The following SLC20A2 variants were observed in gnomAD, a reference collection of about 807,000 sequenced individuals.
The protein encoded by SLC20A2 is solute carrier family 20 member 2.
In SLC20A2, 30 loss-of-function variants were observed where a neutral mutation model predicts 61.0. That is an observed-to-expected ratio of 0.49 (90% CI 0.37 to 0.67). The LOEUF is 0.67. Ranked by LOEUF, SLC20A2 falls within the 30% of genes least tolerant of loss-of-function variation. The probability of loss-of-function intolerance (pLI) is 0.00; values close to 1 mark genes in which losing one functional copy is unlikely to be tolerated. For synonymous variants in SLC20A2, 351 were observed against 353.3 expected (o/e 0.99, Z 0.07); for missense variants, 626 against 866.4 (o/e 0.72, Z 3.48).
chr8:42,433,938 T>G (rs1804049877), intron 8 of SLC20A2, among the ~76,000 whole-genome samples: 1 of 152,220 alleles, frequency 6.6e-6, no homozygotes, highest in Admixed American at 6.5e-5. Flanking sequence ...CATCCTGTTT[T>G]CCATAGTGGT....
At chr8:42,440,098 GAAAGA>G (rs1264964221) in intron 6 of SLC20A2, among the ~76,000 whole-genome samples, 4 of 150,004 alleles carry the variant, frequency 2.7e-5, no homozygotes, top group South Asian at 2.1e-4. Context: ...AAAAAAAAAA[GAAAGA>G]AAAGAAAAGA....
intron 1 of SLC20A2, among the ~76,000 whole-genome samples, chr8:42,500,352 T>C (rs1810241663): frequency 6.6e-6 from 1 of 152,228 alleles, no homozygotes; most frequent in African/African-American, 2.4e-5. Flanking sequence ...TCAGTACAAA[T>C]TTAAGTTGGT....
intron 1 of SLC20A2, among the ~76,000 whole-genome samples, chr8:42,506,628 G>C (rs1396102892): frequency 6.6e-6 from 1 of 152,220 alleles, no homozygotes; most frequent in South Asian, 2.1e-4. Flanking sequence ...AAGTATTTCA[G>C]GAAAACCAGG....
At chr8:42,477,152 A>T (rs891777259) in intron 1 of SLC20A2, among the ~76,000 whole-genome samples, 18 of 152,330 alleles carry the variant, frequency 1.2e-4, no homozygotes, top group Non-Finnish European at 2.4e-4. Context: ...GAATTGCGGC[A>T]TGTATAAAAT....
intron 1 of SLC20A2, among the ~76,000 whole-genome samples, chr8:42,531,662 T>C (rs1313356229): frequency 6.6e-6 from 1 of 152,104 alleles, no homozygotes; most frequent in Admixed American, 6.6e-5. Flanking sequence ...GACCACACAA[T>C]TTATGAGCTT....
chr8:42,496,363 A>T lies in SLC20A2; in HGVS notation c.-265+4668T>A, dbSNP rs146110342. Among the ~76,000 whole-genome samples the T allele has an allele frequency of 3.9e-3, 597 of 152,360 alleles. 4 individuals carry two copies. The highest frequency in any genetic ancestry group is 0.01 in the African/African-American group (430 of 41,584). On this transcript the variant is annotated intron_variant, in intron 1 of 10. Transcript: ENST00000520262. ...ACCGGAGACACTTCTGTCAAGCGAA[A>T]GCACAAAGGAAAATATACAAAAGGG...
chr8:42,539,461 A>T (rs1322978812), intron 1 of SLC20A2, among the ~76,000 whole-genome samples: 2 of 152,252 alleles, frequency 1.3e-5, no homozygotes. Flanking sequence ...TACTGGACTC[A>T]ATACTAAGCA....
chr8:42,503,063 C>G (rs1463636034), upstream of SLC20A2, among the ~76,000 whole-genome samples: 1 of 152,208 alleles, frequency 6.6e-6, no homozygotes, highest in East Asian at 1.9e-4. Flanking sequence ...GCAGGGGCCC[C>G]TGAGCAATGC....
intron 1 of SLC20A2, among the ~76,000 whole-genome samples, chr8:42,518,957 C>T (rs2974298): frequency 0.49 from 74,100 of 152,040 alleles, 18,114 homozygotes; most frequent in East Asian, 0.51. Context: ...ATTTTCCCCA[C>T]CCTCAGGAAA....
chr8:42,514,301 T>A (rs756801218), intron 1 of SLC20A2, among the ~76,000 whole-genome samples: 6 of 152,064 alleles, frequency 3.9e-5, no homozygotes, highest in Non-Finnish European at 5.9e-5. Flanking sequence ...AGAAAAACAT[T>A]AAAACAATAG....
At chr8:42,494,274 T>C (rs1481685697) in intron 1 of SLC20A2, among the ~76,000 whole-genome samples, 3 of 152,220 alleles carry the variant, frequency 2.0e-5, no homozygotes, top group South Asian at 4.1e-4. Context: ...GCTTTATCAG[T>C]TGGACTAGGC....
At chr8:42,428,062 C>T (rs1803548851) in intron 10 of SLC20A2, among the ~76,000 whole-genome samples, 1 of 152,126 alleles carries the variant, frequency 6.6e-6, no homozygotes, top group Admixed American at 6.6e-5. Flanking sequence ...GAGACCGGGG[C>T]TCTGGTCCTC....
chr8:42,532,858 G>A (rs567128638), intron 1 of SLC20A2, among the ~76,000 whole-genome samples: 9 of 152,142 alleles, frequency 5.9e-5, no homozygotes, highest in Non-Finnish European at 1.2e-4. Context: ...GCAGGCGGGA[G>A]GGCTAACAGC....
rs144428935 is a variant in SLC20A2, at chr8:42,437,135, C to A, written c.1377G>T (p.Glu459Asp). Residue 459 changes from glutamate to aspartate, a missense_variant, in exon 8 of 11, where the codon GAG (glutamate) becomes GAT (aspartate). Transcript: ENST00000520262. The surrounding 1 kb of genome is among the most constrained non-coding windows in gnomAD (Gnocchi z 6.4). ...EGGVEMKLAS[E>D]LADPDQPRED... ...CTCGCGGCTGGTCAGGGTCGGCCAG[C>A]TCCGACGCCAGCTTCATCTCCACGC... 2.3e-5 allele frequency: 37 copies of A among 1,613,726 alleles called. No homozygotes were observed. The highest frequency in any genetic ancestry group is 3.3e-5 in the Admixed American group (2 of 60,014).
intron 6 of SLC20A2, among the ~76,000 whole-genome samples, chr8:42,440,772 T>C (rs1416367392): frequency 6.6e-6 from 1 of 152,180 alleles, no homozygotes; most frequent in Non-Finnish European, 1.5e-5. Flanking sequence ...ACTGACAAAA[T>C]TTAGTACTGT....
chr8:42,536,018 C>T (rs1364837040), intron 1 of SLC20A2, among the ~76,000 whole-genome samples: 1 of 152,200 alleles, frequency 6.6e-6, no homozygotes, highest in Non-Finnish European at 1.5e-5. Flanking sequence ...GTATCATTCT[C>T]TCTTTCCCTA....
At chr8:42,444,535 G>A (rs900892589) in intron 6 of SLC20A2, 111 bp downstream of exon 6, 1 of 804,680 alleles carries the variant, frequency 1.2e-6, no homozygotes, top group Non-Finnish European at 2.1e-6. Context: ...GTATGTTCTG[G>A]AGTCACCCAC....
intron 1 of SLC20A2, among the ~76,000 whole-genome samples, chr8:42,478,243 ACT>A (rs1485609579): frequency 8.4e-6 from 1 of 119,314 alleles, no homozygotes; most frequent in East Asian, 2.4e-4. Flanking sequence ...ATGTAGTCTC[ACT>A]CTGTTGCCCA....
At chr8:42,504,878 A>ACAAAAAAAAAAAAAAAAAT, upstream of SLC20A2, among the ~76,000 whole-genome samples, 1 of 145,302 alleles carries the variant, frequency 6.9e-6, no homozygotes, top group African/African-American at 2.6e-5. Flanking sequence ...AAAAAAAAAA[A>ACAAAAAAAAAAAAAAAAAT]AAAAAAAAGG....
Sources: gnomAD v4.1 joint callset for allele counts (sites outside exome capture counted in the v4.1 genomes callset) on GRCh38, gnomAD v4.1.1 for gene constraint, Gnocchi (gnomAD v3.1) non-coding constraint, MANE v1.5 for transcripts, NCBI Gene and HGNC (gene_info 2026-07-23, HGNC 2026-07-21) for gene names.